Variants in SLC1A1 observed in about 807,000 individuals in gnomAD.
SLC1A1 encodes the protein excitatory amino acid transporter 3.
A neutral mutation model predicts 53.3 loss-of-function variants in SLC1A1; 43 were observed. The ratio of observed to expected loss-of-function variants is 0.81; its 90% CI spans 0.63 to 1.04. SLC1A1 has a LOEUF of 1.04. Among genes scored for constraint, SLC1A1 ranks in the 50% least tolerant of loss-of-function variants. The probability of loss-of-function intolerance (pLI) is 0.00; values close to 1 mark genes in which losing one functional copy is unlikely to be tolerated. For missense variants in SLC1A1, 748 were observed against 664.9 expected (o/e 1.12, Z -1.37); for synonymous variants, 307 against 243.2 (o/e 1.26, Z -2.44).
chr9:4,563,613 T>G (rs982077308), intron 3 of SLC1A1, among the ~76,000 whole-genome samples: 1 of 152,088 alleles, frequency 6.6e-6, no homozygotes, highest in Admixed American at 6.5e-5. Context: ...CTTCTTCACT[T>G]CCCTCCAGTC....
intron 10 of SLC1A1, among the ~76,000 whole-genome samples, chr9:4,578,651 G>C (rs1242645759): frequency 6.6e-6 from 1 of 152,234 alleles, no homozygotes; most frequent in Non-Finnish European, 1.5e-5. Flanking sequence ...GAGAATTCTA[G>C]TGAAATGAGG....
chr9:4,538,066 A>C (rs1816743951), intron 1 of SLC1A1, among the ~76,000 whole-genome samples: 1 of 152,182 alleles, frequency 6.6e-6, no homozygotes, highest in Non-Finnish European at 1.5e-5. Context: ...GTTTAGTTCA[A>C]GGCCTGACAT....
At chr9:4,545,647 A>C (rs1817430291) in intron 2 of SLC1A1, among the ~76,000 whole-genome samples, 1 of 152,244 alleles carries the variant, frequency 6.6e-6, no homozygotes, top group South Asian at 2.1e-4. Flanking sequence ...GGGGACCAGC[A>C]GTCAAGTTCT....
In SLC1A1 at chr9:4,547,094, A is replaced by G. The variant is rs75686835; in HGVS notation, c.232+2387A>G. 2.4e-3 allele frequency among the ~76,000 whole-genome samples: 366 copies of G among 152,348 alleles called. 1 individual carries two copies. Among genetic ancestry groups the G allele is most frequent in the Non-Finnish European group, 4.2e-3 (284 of 68,032 alleles). On this transcript the variant is annotated intron_variant, in intron 2 of 11. Coordinates refer to ENST00000262352, the MANE Select transcript of SLC1A1 (RefSeq NM_004170.6). ...TGTAATATCAGATGTTTGAAAATACATGCCACTCTTGACAGTCAATAACAA... is the reference window on the plus strand; with the variant it reads ...TGTAATATCAGATGTTTGAAAATACGTGCCACTCTTGACAGTCAATAACAA...
At chr9:4,568,495 T>C (rs1013141805) in intron 6 of SLC1A1, among the ~76,000 whole-genome samples, 2 of 148,894 alleles carry the variant, frequency 1.3e-5, no homozygotes, top group African/African-American at 5.0e-5. Flanking sequence ...CCAAGACAGG[T>C]GGATCGCTTG....
chr9:4,539,790 T>G (rs1816848467), intron 1 of SLC1A1, among the ~76,000 whole-genome samples: 1 of 152,142 alleles, frequency 6.6e-6, no homozygotes, highest in African/African-American at 2.4e-5. Flanking sequence ...CAGGATGGTC[T>G]CAAACTCCTG....
intron 1 of SLC1A1, among the ~76,000 whole-genome samples, chr9:4,507,083 A>T (rs1222754035): frequency 6.6e-6 from 1 of 152,076 alleles, no homozygotes; most frequent in African/African-American, 2.4e-5. Flanking sequence ...TACAAAAAAA[A>T]ATTAGCTGAG....
At chr9:4,504,091 C>T (rs1820723447) in intron 1 of SLC1A1, among the ~76,000 whole-genome samples, 1 of 151,686 alleles carries the variant, frequency 6.6e-6, no homozygotes, top group Non-Finnish European at 1.5e-5. Flanking sequence ...TGGAGAGCAT[C>T]TCTGTACCCT....
In SLC1A1 at chr9:4,503,238, G is replaced by A. The variant is rs188417328; in HGVS notation, c.91+12468G>A. Among the ~76,000 whole-genome samples, 202 of 151,882 alleles carry A rather than the reference G, an allele frequency of 1.3e-3. 7 individuals are homozygous for A. The highest frequency in any genetic ancestry group is 3.7e-3 in the African/African-American group (151 of 41,196). ...GCTCTGTCATGGCCTCAGAATCCTC[G>A]AAACTTTGCTCCAGGCAACCACTGT... On this transcript the variant is annotated intron_variant, in intron 1 of 11. Coordinates refer to ENST00000262352, the MANE Select transcript of SLC1A1 (RefSeq NM_004170.6).
rs1348312843 is a variant in SLC1A1 at position 4,549,436 on chromosome 9, A to G, written c.232+4729A>G. On this transcript the variant is annotated intron_variant, in intron 2 of 11. Transcript: ENST00000262352. This position sits in a 1 kb window ranked among gnomAD's most constrained non-coding sequence, Gnocchi z 4.1. Reference sequence around the variant, plus strand: ...GACATAATCTTTGCTAAAGGTAACCAAAAGCAGATGAAACACCAATGGTGA... The same window carrying G: ...GACATAATCTTTGCTAAAGGTAACCGAAAGCAGATGAAACACCAATGGTGA... Among the ~76,000 whole-genome samples, 3 of 152,166 alleles carry G rather than the reference A, an allele frequency of 2.0e-5. No homozygotes were observed. The highest frequency in any genetic ancestry group is 2.9e-5 in the Non-Finnish European group (2 of 68,026).
intron 2 of SLC1A1, among the ~76,000 whole-genome samples, chr9:4,558,179 G>C (rs961490935): frequency 2.0e-5 from 3 of 152,138 alleles, no homozygotes; most frequent in African/African-American, 7.2e-5. Context: ...GGTTTTCAAA[G>C]ATTAGGCTGT....
intron 2 of SLC1A1, among the ~76,000 whole-genome samples, chr9:4,550,435 A>G (rs1817830561): frequency 6.6e-6 from 1 of 152,194 alleles, no homozygotes. Flanking sequence ...CTATGGCCCA[A>G]GCTGGAATGC....
rs975951932 is a variant in SLC1A1, at chr9:4,587,171, A to T, written c.*1613A>T. 2 of 152,656 alleles carry T rather than the reference A, an allele frequency of 1.3e-5. No homozygotes were observed. The highest frequency in any genetic ancestry group is 2.9e-5 in the Non-Finnish European group (2 of 68,046). 9.5% of individuals were successfully genotyped at this position (152,656 alleles called of 1,614,324 possible). A position where few individuals can be genotyped will look rare whatever the true frequency, so the allele number is the denominator to read the frequency against. On this transcript the variant is annotated 3_prime_UTR_variant, in exon 12 of 12. Transcript: ENST00000262352. ...ACATAATGATACTGAATTGTTATGT[A>T]AACATCATAAATAGTAAATAATGAT...
At chr9:4,494,311 G>A (rs568213523) in intron 1 of SLC1A1, among the ~76,000 whole-genome samples, 61 of 151,190 alleles carry the variant, frequency 4.0e-4, no homozygotes, top group African/African-American at 1.3e-3. Flanking sequence ...TTATTACTTC[G>A]TTTGTTATTA....
intron 2 of SLC1A1, 117 bp from the exon 3 acceptor site, chr9:4,561,332 T>C: frequency 1.3e-6 from 1 of 764,538 alleles, no homozygotes; most frequent in African/African-American, 1.7e-5. Flanking sequence ...TTATTGCCCA[T>C]TGTCTGTAGA....
intron 1 of SLC1A1, among the ~76,000 whole-genome samples, chr9:4,523,754 T>C (rs1381630186): frequency 6.6e-6 from 1 of 152,272 alleles, no homozygotes; most frequent in Non-Finnish European, 1.5e-5. Context: ...AGGTACTTTT[T>C]ATTCTAAGTA....
In SLC1A1 at chr9:4,549,361, A is replaced by G. The variant is rs1178498047; in HGVS notation, c.232+4654A>G. Among the ~76,000 whole-genome samples, 2 of 152,138 alleles carry G rather than the reference A, an allele frequency of 1.3e-5. No homozygotes were observed. Among genetic ancestry groups the G allele is most frequent in the African/African-American group, 4.8e-5 (2 of 41,426 alleles). On this transcript the variant is annotated intron_variant, in intron 2 of 11. Coordinates refer to ENST00000262352, the MANE Select transcript of SLC1A1 (RefSeq NM_004170.6). The surrounding 1 kb of genome is among the most constrained non-coding windows in gnomAD (Gnocchi z 4.1). ...CTTTGCTCCTCCATCCTAAGACAGG[A>G]GCAGAAGCTTAATTCTCCAAAGTGC...
rs1586818397 is a variant in SLC1A1 at position 4,567,577 on chromosome 9, G to C, written c.484-92G>C. 5 of 801,358 alleles carry C rather than the reference G, an allele frequency of 6.2e-6. No homozygotes were observed. In the East Asian group the frequency reaches 1.3e-4, roughly 21 times the overall value. 49.6% of individuals were successfully genotyped at this position (801,358 alleles called of 1,614,324 possible). On this transcript the variant is annotated intron_variant, in intron 5 of 11. Coordinates refer to ENST00000262352, the MANE Select transcript of SLC1A1 (RefSeq NM_004170.6). ...GTAGATCCCTTCAGTGGCACTGTTT[G>C]GCCAAAATAACATGTTCCTGTGATT...
chr9:4,516,793 A>C (rs1240699491), intron 1 of SLC1A1, among the ~76,000 whole-genome samples: 1 of 152,210 alleles, frequency 6.6e-6, no homozygotes, highest in Non-Finnish European at 1.5e-5. Context: ...CCTCACAATG[A>C]ACCCATTATA....
Sources: allele counts gnomAD v4.1 joint callset (sites outside exome capture counted in the v4.1 genomes callset), GRCh38; gene constraint gnomAD v4.1.1; non-coding constraint Gnocchi (gnomAD v3.1); transcripts MANE v1.5; gene names NCBI Gene and HGNC (gene_info 2026-07-23, HGNC 2026-07-21).